The following PRSS37 variants were observed in gnomAD, a reference collection of about 807,000 sequenced individuals.
The protein encoded by PRSS37 is probable inactive serine protease 37.
Under a neutral mutation model 28.0 loss-of-function variants are expected in PRSS37, and 25 were observed. The observed-to-expected ratio is 0.89, with a 90% CI of 0.65 to 1.25. The LOEUF is 1.25. PRSS37 is among the 50% of genes most tolerant of loss of function. The pLI is 0.00. For synonymous variants in PRSS37, 109 were observed against 107.8 expected (o/e 1.01, Z -0.07); for missense variants, 282 against 292.2 (o/e 0.97, Z 0.25).
intron 2 of PRSS37, chr7:141,839,031 A>G (rs1801068341): frequency 1.9e-6 from 1 of 532,876 alleles, no homozygotes; most frequent in East Asian, 4.7e-5. Flanking sequence ...AAAAAGAAAA[A>G]AACTTATGAG....
At position 141,836,603 on chromosome 7, in the gene PRSS37, CTA is replaced by C. The variant is rs1554430412; in HGVS notation, c.568-70_568-69del. Reference sequence around the variant, plus strand: ...AGTGTCAGATCTTCTCACAGGAACCCTAGTGTCCCGCTTGGGTGAGCCCTGTC... The same window carrying C: ...AGTGTCAGATCTTCTCACAGGAACCCGTGTCCCGCTTGGGTGAGCCCTGTC... On this transcript the variant is annotated intron_variant, in intron 4 of 4. Transcript: ENST00000350549. 2.4e-4 allele frequency: 378 copies of C among 1,572,680 alleles called. 1 individual carries two copies. Among genetic ancestry groups the C allele is most frequent in the Non-Finnish European group, 2.1e-5 (24 of 1,154,864 alleles).
intron 1 of PRSS37, 29 bp downstream of exon 1, chr7:141,840,987 G>A (rs779466909): frequency 6.2e-7 from 1 of 1,610,762 alleles, no homozygotes; most frequent in East Asian, 2.2e-5. Flanking sequence ...GTGCCTTACA[G>A]GACAGAGTAC....
At position 141,839,085 on chromosome 7, in the gene PRSS37, G is replaced by A. The variant is rs538311229; in HGVS notation, c.176+253C>T. ...ATGTAACACAGGGTTCCTCAACAGT[G>A]GCACTATTGCTGTTCTGGGCTGGAC... On this transcript the variant is annotated intron_variant, in intron 2 of 4. Transcript: ENST00000350549. 432 of 630,940 alleles carry A rather than the reference G, an allele frequency of 6.8e-4. 4 individuals are homozygous for A. The highest frequency in any genetic ancestry group is 5.2e-3 in the South Asian group (330 of 63,058). 39.1% of individuals were successfully genotyped at this position (630,940 alleles called of 1,614,324 possible). A position where few individuals can be genotyped will look rare whatever the true frequency, so the allele number is the denominator to read the frequency against.
rs10657416 is a variant in PRSS37 at position 141,836,551 on chromosome 7, C to CAG, written c.568-18_568-17dup. ...CGGCCACCTCCTACCGGAGATCATG[C>CAG]AGAGAGAGAGAGAGAGAGAGAGTAA... On this transcript the variant is annotated splice_polypyrimidine_tract_variant and intron_variant, in intron 4 of 4. Transcript: ENST00000350549. The CAG allele has an allele frequency of 0.16, 247,244 of 1,534,194 alleles. 2,589 individuals are homozygous for CAG. The highest frequency in any genetic ancestry group is 0.25 in the East Asian group (10,853 of 43,220).
At chr7:141,839,136 G>A (rs1301785828) in intron 2 of PRSS37, 2 of 638,600 alleles carry the variant, frequency 3.1e-6, no homozygotes, top group Admixed American at 2.5e-5. Flanking sequence ...GGACTGTGCT[G>A]TGAATTGTAG....
At chr7:141,837,562 T>G (rs2117266043) in intron 3 of PRSS37, 1 of 1,500,692 alleles carries the variant, frequency 6.7e-7, no homozygotes, top group South Asian at 1.2e-5. Context: ...GGACCACACC[T>G]TGTTCATGTG....
intron 2 of PRSS37, chr7:141,838,393 G>A (rs905683380): frequency 7.0e-6 from 9 of 1,286,986 alleles, no homozygotes. Flanking sequence ...GGAAGAGGAT[G>A]CATGTCAAGG....
chr7:141,838,722 G>T (rs1176796805), intron 2 of PRSS37: 3 of 274,018 alleles, frequency 1.1e-5, no homozygotes, highest in Admixed American at 4.6e-5. Flanking sequence ...TTGACTAGGG[G>T]TTACAATCCT....
At chr7:141,839,223 A>C in intron 2 of PRSS37, 115 bp downstream of exon 2, 1 of 1,135,680 alleles carries the variant, frequency 8.8e-7, no homozygotes, top group Non-Finnish European at 1.3e-6. Context: ...TGACAACCAA[A>C]AATATCTTCA....
Position 141,838,806 on chromosome 7 carries a change from T to C in PRSS37, c.176+532A>G, listed in dbSNP as rs186017477. 1,269 of 346,382 alleles carry C rather than the reference T, an allele frequency of 3.7e-3. 6 individuals are homozygous for C. The highest frequency in any genetic ancestry group is 5.6e-3 in the Non-Finnish European group (993 of 177,168). 21.5% of individuals were successfully genotyped at this position (346,382 alleles called of 1,614,324 possible). On this transcript the variant is annotated intron_variant, in intron 2 of 4. Transcript: ENST00000350549. ...TGCCTCCTTTGAAATTATCTTCTCC[T>C]CTTGCCTTTTTAGGCCTAGAGGTGG...
Position 141,841,076 on chromosome 7 carries a change from A to T in PRSS37, c.-27T>A, listed in dbSNP as rs535651234. On this transcript the variant is annotated 5_prime_UTR_variant, in exon 1 of 5. Coordinates refer to ENST00000350549, the MANE Select transcript of PRSS37 (RefSeq NM_001008270.3). ...GTGATCCAGCTCTTCCCCCTGTGAG[A>T]TGTAGAAGAAAATCAGCAGAGTGTG... 3 of 1,613,326 alleles carry T rather than the reference A, an allele frequency of 1.9e-6. No individual in the cohort carries two copies. Among genetic ancestry groups the T allele is most frequent in the South Asian group, 2.2e-5 (2 of 91,070 alleles).
At position 141,839,753 on chromosome 7, in the gene PRSS37, T is replaced by C. The variant is rs6971356; in HGVS notation, c.35-274A>G. On this transcript the variant is annotated intron_variant, in intron 1 of 4. Transcript: ENST00000350549. ...CTGCTAGTAAATTGATTCCATCTTCTTGAAAAGCAATTTAGAAACAGGCAT... is the reference window on the plus strand; with the variant it reads ...CTGCTAGTAAATTGATTCCATCTTCCTGAAAAGCAATTTAGAAACAGGCAT... 0.15 allele frequency among the ~76,000 whole-genome samples: 23,231 copies of C among 152,124 alleles called. 1,898 individuals are homozygous for C. Among genetic ancestry groups the C allele is most frequent in the East Asian group, 0.24 (1,219 of 5,174 alleles).
chr7:141,836,973 G>C, intron 4 of PRSS37, 139 bp downstream of exon 4: 1 of 870,558 alleles, frequency 1.1e-6, no homozygotes, highest in Non-Finnish European at 1.8e-6. Flanking sequence ...CATTACTGAA[G>C]AAACAATGCT....
intron 2 of PRSS37, chr7:141,839,043 G>T: frequency 1.8e-6 from 1 of 567,184 alleles, no homozygotes. Flanking sequence ...ACTTATGAGA[G>T]TCTGAGGAGG....
chr7:141,838,044 G>T lies in PRSS37; in HGVS notation c.246C>A (p.Pro82=). 6.2e-7 allele frequency: 1 copy of T among 1,614,106 alleles called. No homozygotes were observed. Among genetic ancestry groups the T allele is most frequent in the South Asian group, 1.1e-5 (1 of 91,074 alleles). ...AGTTCCAGTAGCGGACGATCTGAATGGGGTTAATTGTCTGTTCAGTACCGT... is the reference window on the plus strand; with the variant it reads ...AGTTCCAGTAGCGGACGATCTGAATTGGGTTAATTGTCTGTTCAGTACCGT... ...VRDGTEQTIN[P]IQIVRYWNYS... is the part of the protein sequence containing the mutation. The change falls in exon 3 of 5, where the codon CCC becomes CCA. Residue 82 remains proline (P), a synonymous_variant. Transcript: ENST00000350549.
chr7:141,838,601 C>T (rs913217745), intron 2 of PRSS37: 3 of 326,724 alleles, frequency 9.2e-6, no homozygotes, highest in Non-Finnish European at 1.5e-5. Flanking sequence ...TGGCTTCCTT[C>T]TATTGGCCAA....
chr7:141,837,672 A>G, intron 3 of PRSS37, 188 bp downstream of exon 3: 1 of 1,530,286 alleles, frequency 6.5e-7, no homozygotes, highest in Non-Finnish European at 8.8e-7. Context: ...GTGGGATATT[A>G]GACACCCTGG....
chr7:141,841,129 G>A lies in PRSS37; in HGVS notation c.-80C>T. The stretch of plus-strand genomic sequence containing the variant: ...GCGGTTGGCTTAGTTGTCTTCTCAG[G>A]AACACCTGGTAGACTCAGTGGCTAT... On this transcript the variant is annotated 5_prime_UTR_variant, in exon 1 of 5. Transcript: ENST00000350549. 6.2e-7 allele frequency: 1 copy of A among 1,605,328 alleles called. No homozygotes were observed. The highest frequency in any genetic ancestry group is 1.1e-5 in the South Asian group (1 of 90,400).
rs544255481 is a variant in PRSS37 at position 141,839,439 on chromosome 7, G to A, written c.75C>T (p.Asp25=). The change falls in exon 2 of 5, where the codon GAC becomes GAT. Residue 25 remains aspartate (D), a synonymous_variant. Coordinates refer to ENST00000350549, the MANE Select transcript of PRSS37 (RefSeq NM_001008270.3). ...TGAGGTACACCAAATAGGGAGCAGGGTCTTCTTTCTGAACAGATGAGTCAG... is the reference window on the plus strand; with the variant it reads ...TGAGGTACACCAAATAGGGAGCAGGATCTTCTTTCTGAACAGATGAGTCAG... The part of the protein sequence containing the change: ...FFADSSVQKE[D]PAPYLVYLKS... The A allele has an allele frequency of 1.2e-6, 2 of 1,613,614 alleles. No homozygotes were observed. Among genetic ancestry groups the A allele is most frequent in the Admixed American group, 1.7e-5 (1 of 60,016 alleles).
Sources: allele counts gnomAD v4.1 joint callset (sites outside exome capture counted in the v4.1 genomes callset), GRCh38; gene constraint gnomAD v4.1.1; transcripts MANE v1.5; gene names NCBI Gene and HGNC (gene_info 2026-07-23, HGNC 2026-07-21).